Variants in VSTM1 observed in about 807,000 individuals in gnomAD.
The protein encoded by VSTM1 is V-set and transmembrane domain-containing protein 1.
VSTM1 carries 27 observed loss-of-function variants against 33.1 expected under a neutral mutation model. The observed-to-expected ratio is 0.82, with a 90% CI of 0.60 to 1.12. The LOEUF (loss-of-function observed/expected upper bound fraction) is 1.12, where lower values mean the gene tolerates loss of function less well. Among genes scored for constraint, VSTM1 ranks in the 50% most tolerant of loss-of-function variants. The pLI is 0.00. For missense variants in VSTM1, 304 were observed against 288.9 expected (o/e 1.05, Z -0.38); for synonymous variants, 115 against 110.3 (o/e 1.04, Z -0.27).
In VSTM1 at chr19:54,042,835, TATAC is replaced by T. The variant is rs1443357486; in HGVS notation, c.395-470_395-467del. The stretch of plus-strand genomic sequence containing the variant: ...ATATATATATATATATATATATATA[TATAC>T]ATATATATATATATATACACACTTT... On this transcript the variant is annotated intron_variant, in intron 4 of 8. Transcript: ENST00000338372. Among the ~76,000 whole-genome samples the T allele has an allele frequency of 9.5e-3, 717 of 75,614 alleles. 4 individuals are homozygous for T. Among genetic ancestry groups the T allele is most frequent in the Middle Eastern group, 0.023 (4 of 176 alleles). 49.6% of individuals were successfully genotyped at this position (75,614 alleles called of 152,430 possible). A position where few individuals can be genotyped will look rare whatever the true frequency, so the allele number is the denominator to read the frequency against.
At chr19:54,053,788 T>C (rs8111007) in intron 3 of VSTM1, among the ~76,000 whole-genome samples, 42,054 of 141,352 alleles carry the variant, frequency 0.3, 11,507 homozygotes, top group Non-Finnish European at 0.38. Context: ...GTTATGCAGC[T>C]GTAGATCACT....
rs768719358 is a variant in VSTM1, at chr19:54,063,781, G to C, written c.-4C>G. The C allele has an allele frequency of 1.2e-6, 2 of 1,613,708 alleles. No homozygotes were observed. The highest frequency in any genetic ancestry group is 3.3e-5 in the Admixed American group (2 of 59,930). On this transcript the variant is annotated 5_prime_UTR_variant, in exon 1 of 9. Coordinates refer to ENST00000338372, the MANE Select transcript of VSTM1 (RefSeq NM_198481.4). ...GGGAGAGGAATTCTGCGGTCATAGC[G>C]TCCCTTCTGCCAGAACCAAGGCCCC...
At chr19:54,063,075 C>T (rs910245731) in intron 1 of VSTM1, among the ~76,000 whole-genome samples, 3 of 152,126 alleles carry the variant, frequency 2.0e-5, no homozygotes, top group Non-Finnish European at 2.9e-5. Context: ...TGGTGGCTCA[C>T]GCCTGTAATC....
intron 4 of VSTM1, among the ~76,000 whole-genome samples, chr19:54,049,809 CA>C (rs1257078081): frequency 6.6e-6 from 1 of 152,060 alleles, no homozygotes; most frequent in Non-Finnish European, 1.5e-5. Context: ...TATACCAGCA[CA>C]GACTGCTAGC....
At position 54,063,831 on chromosome 19, in the gene VSTM1, C is replaced by A. The variant is rs1304908235; in HGVS notation, c.-54G>T. On this transcript the variant is annotated 5_prime_UTR_variant, in exon 1 of 9. Transcript: ENST00000338372. ...CGCCTTGGGTTTTACCCTTCAAAGG[C>A]GGAGCGGGACTGGGCCGGCCGCAGC... 3.1e-6 allele frequency: 5 copies of A among 1,607,120 alleles called. No individual in the cohort carries two copies. The highest frequency in any genetic ancestry group is 4.3e-6 in the Non-Finnish European group (5 of 1,175,766).
chr19:54,042,391 A>T, intron 4 of VSTM1, 22 bp from the exon 5 acceptor site: 1 of 1,610,254 alleles, frequency 6.2e-7, no homozygotes, highest in Non-Finnish European at 8.5e-7. Flanking sequence ...AGAGCAGGTC[A>T]GGGAATCAGC....
At chr19:54,041,160 G>C in intron 8 of VSTM1, 80 bp from the exon 9 acceptor site, 1 of 1,364,004 alleles carries the variant, frequency 7.3e-7, no homozygotes, top group South Asian at 1.5e-5. Context: ...TGACATTTAA[G>C]TTAATTACAA....
At chr19:54,043,003 A>G (rs116354897) in intron 4 of VSTM1, among the ~76,000 whole-genome samples, 2,565 of 150,978 alleles carry the variant, frequency 0.017, 67 homozygotes, top group African/African-American at 0.06. Flanking sequence ...GTGAGCCACC[A>G]CATCTGTCTG....
intron 4 of VSTM1, 95 bp downstream of exon 4, chr19:54,051,315 A>G (rs561441679): frequency 8.9e-7 from 1 of 1,120,886 alleles, no homozygotes; most frequent in East Asian, 2.6e-5. Context: ...ACAAACAAAC[A>G]AACAAATAAA....
intron 7 of VSTM1, 33 bp downstream of exon 7, chr19:54,041,883 C>T (rs371540665): frequency 2.4e-5 from 38 of 1,614,000 alleles, no homozygotes; most frequent in Middle Eastern, 1.6e-4. Context: ...TCTTTCTATC[C>T]GGTGATTCCC....
rs374140292 is a variant in VSTM1, at chr19:54,063,733, T to C, written c.34+11A>G. On this transcript the variant is annotated intron_variant, in intron 1 of 8. Coordinates refer to ENST00000338372, the MANE Select transcript of VSTM1 (RefSeq NM_198481.4). ...AGCCCAAGCCCATTCGTCCCAGTCC[T>C]GGAGACTCACCGAGGCAAAGCAGGG... The C allele has an allele frequency of 3.2e-5, 51 of 1,613,610 alleles. No homozygotes were observed. Among genetic ancestry groups the C allele is most frequent in the Non-Finnish European group, 4.3e-5 (51 of 1,179,804 alleles).
intron 1 of VSTM1, among the ~76,000 whole-genome samples, chr19:54,059,640 TTTG>T (rs1164295841): frequency 2.7e-5 from 4 of 148,728 alleles, no homozygotes; most frequent in South Asian, 2.1e-4. Flanking sequence ...CCAGCTAATT[TTTG>T]TTGTTGTTGT....
At chr19:54,051,593 T>G in intron 3 of VSTM1, 145 bp from the exon 4 acceptor site, 2 of 594,488 alleles carry the variant, frequency 3.4e-6, no homozygotes, top group Non-Finnish European at 5.8e-6. Flanking sequence ...AGATGCTCCC[T>G]GGGTCCTCAG....
chr19:54,046,022 T>G (rs571858094), intron 4 of VSTM1, among the ~76,000 whole-genome samples: 1 of 152,252 alleles, frequency 6.6e-6, no homozygotes, highest in African/African-American at 2.4e-5. Context: ...TATCTAGTTA[T>G]CTATCTACTT....
At chr19:54,059,847 T>A (rs112352941) in intron 1 of VSTM1, among the ~76,000 whole-genome samples, 10,565 of 148,602 alleles carry the variant, frequency 0.071, 431 homozygotes, top group Admixed American at 0.11. Flanking sequence ...GGTGGGTTTT[T>A]TTTTTTTTTT....
intron 4 of VSTM1, among the ~76,000 whole-genome samples, chr19:54,042,809 T>TATATATATATATAC (rs1466287386): frequency 2.6e-4 from 8 of 30,472 alleles, no homozygotes; most frequent in Non-Finnish European, 4.9e-4. Context: ...TAAATGTGTA[T>TATATATATATATAC]ATATATATAT....
In VSTM1 at chr19:54,063,849, G is replaced by GCCC; in HGVS notation, c.-73_-72insGGG. 1 of 1,556,056 alleles carries GCCC rather than the reference G, an allele frequency of 6.4e-7. No homozygotes were observed. The highest frequency in any genetic ancestry group is 1.2e-5 in the South Asian group (1 of 86,506). ...TCAAAGGCGGAGCGGGACTGGGCCG[G>GCCC]CCGCAGCTCTCCGGCTGCCCGGTTC... On this transcript the variant is annotated 5_prime_UTR_variant, in exon 1 of 9. Transcript: ENST00000338372.
chr19:54,059,637 A>G (rs757423263), intron 1 of VSTM1, among the ~76,000 whole-genome samples: 81 of 150,216 alleles, frequency 5.4e-4, no homozygotes, highest in Non-Finnish European at 8.6e-4. Context: ...TGCCCAGCTA[A>G]TTTTTGTTGT....
intron 1 of VSTM1, among the ~76,000 whole-genome samples, chr19:54,062,491 A>G (rs2071441190): frequency 6.6e-6 from 1 of 151,696 alleles, no homozygotes; most frequent in East Asian, 2.0e-4. Context: ...AGGAGGTTGA[A>G]GTGGGTAGAT....
Sources: allele counts gnomAD v4.1 joint callset (sites outside exome capture counted in the v4.1 genomes callset), GRCh38; gene constraint gnomAD v4.1.1; transcripts MANE v1.5; gene names NCBI Gene and HGNC (gene_info 2026-07-23, HGNC 2026-07-21).